PSMG2: variants seen among roughly 807,000 people sequenced by gnomAD.
PSMG2 encodes CD40 ligand-activated specific transcript 3.
A neutral mutation model predicts 31.5 loss-of-function variants in PSMG2; 21 were observed. That is an observed-to-expected ratio of 0.67 (90% confidence interval 0.47 to 0.96). The LOEUF is 0.96. Ranked by LOEUF, PSMG2 falls within the 40% of genes least tolerant of loss-of-function variation. PSMG2 has a pLI of 0.00. For missense variants in PSMG2, 318 were observed against 321.2 expected (o/e 0.99, Z 0.08); for synonymous variants, 120 against 110.4 (o/e 1.09, Z -0.54).
intron 3 of PSMG2, among the ~76,000 whole-genome samples, chr18:12,714,668 AT>A (rs1446129600): frequency 2.7e-5 from 4 of 148,952 alleles, no homozygotes; most frequent in Non-Finnish European, 6.0e-5. Flanking sequence ...TAATTTTTGT[AT>A]TTTTTTGTAG....
chr18:12,669,138 A>G (rs1470959531), intron 1 of PSMG2, among the ~76,000 whole-genome samples: 1 of 139,520 alleles, frequency 7.2e-6, no homozygotes, highest in African/African-American at 2.7e-5. Context: ...TTTTTGAGAC[A>G]GAGTTTCACT....
upstream of PSMG2, chr18:12,698,793 AAT>A: frequency 1.7e-6 from 1 of 580,228 alleles, no homozygotes; most frequent in Non-Finnish European, 3.1e-6. Context: ...ATCCAGGGAA[AAT>A]GAATAGCAAA....
intron 2 of PSMG2, among the ~76,000 whole-genome samples, chr18:12,710,911 G>T (rs949743002): frequency 1.3e-5 from 2 of 152,054 alleles, no homozygotes; most frequent in African/African-American, 4.8e-5. Context: ...ACCAGCCTGG[G>T]TAACATGATG....
chr18:12,671,842 A>ATGGAGTATTGCTCTGTTGCCCACGC (rs2144969833), intron 1 of PSMG2, among the ~76,000 whole-genome samples: 1 of 151,848 alleles, frequency 6.6e-6, no homozygotes, highest in Admixed American at 6.6e-5. Context: ...TTTTTTTGAG[A>ATGGAGTATTGCTCTGTTGCCCACGC]TGGAGTATTG....
intron 1 of PSMG2, chr18:12,686,496 C>T (rs1385246665): frequency 1.5e-6 from 2 of 1,362,284 alleles, no homozygotes; most frequent in Admixed American, 2.1e-5. Context: ...TTAATCATCC[C>T]CAATTATGTT....
chr18:12,701,448 G>A (rs1387163001), upstream of PSMG2, among the ~76,000 whole-genome samples: 2 of 152,146 alleles, frequency 1.3e-5, no homozygotes, highest in African/African-American at 4.8e-5. Flanking sequence ...TCTGCCTAAT[G>A]ATAAGGGAAT....
intron 5 of PSMG2, among the ~76,000 whole-genome samples, chr18:12,721,976 C>T (rs910267818): frequency 1.2e-4 from 18 of 151,974 alleles, no homozygotes; most frequent in Non-Finnish European, 8.8e-5. Context: ...GTTTTTGTTC[C>T]GTGTTCCTCT....
chr18:12,675,421 TAAA>T (rs1386989474), intron 1 of PSMG2, among the ~76,000 whole-genome samples: 1 of 151,618 alleles, frequency 6.6e-6, no homozygotes, highest in Non-Finnish European at 1.5e-5. Flanking sequence ...ATAAAATAAA[TAAA>T]AAAGAGTTTA....
At chr18:12,669,012 G>C (rs1053425160) in intron 1 of PSMG2, among the ~76,000 whole-genome samples, 1 of 138,714 alleles carries the variant, frequency 7.2e-6, no homozygotes, top group African/African-American at 2.7e-5. Context: ...TTACAGGCTT[G>C]AGCTACCGCA....
chr18:12,687,782 T>G (rs2039596095), intron 1 of PSMG2, among the ~76,000 whole-genome samples: 1 of 151,928 alleles, frequency 6.6e-6, no homozygotes, highest in Admixed American at 6.6e-5. Flanking sequence ...AAACAGAGGA[T>G]TATTATTCTA....
chr18:12,695,486 C>G (rs2039920927), intron 1 of PSMG2: 2 of 452,850 alleles, frequency 4.4e-6, no homozygotes, highest in South Asian at 8.9e-5. Context: ...TCAACATTAC[C>G]TTTAATATTC....
At chr18:12,683,988 T>TATATATATGATATATATC (rs1200276157) in intron 1 of PSMG2, among the ~76,000 whole-genome samples, 2 of 150,250 alleles carry the variant, frequency 1.3e-5, no homozygotes, top group Non-Finnish European at 3.0e-5. Context: ...AAAATCTAAA[T>TATATATATGATATATATC]ATATATATGA....
At position 12,677,117 on chromosome 18, in the gene PSMG2, T is replaced by G. The variant is rs146113752; in HGVS notation, c.-37+18344T>G. ...TATGACTAATACTTTTTATGTCTTCTTAAAAGCACTTTACAAAGGAAATCT... is the reference window on the plus strand; with the variant it reads ...TATGACTAATACTTTTTATGTCTTCGTAAAAGCACTTTACAAAGGAAATCT... On this transcript the variant is annotated intron_variant, in intron 1 of 6. Coordinates refer to the PSMG2 transcript ENST00000585331. 9.9e-5 allele frequency among the ~76,000 whole-genome samples: 15 copies of G among 152,282 alleles called. No individual in the cohort carries two copies. In the East Asian group the frequency reaches 2.9e-3, roughly 29 times the overall value.
intron 1 of PSMG2, among the ~76,000 whole-genome samples, chr18:12,706,267 A>ACC (rs2040267630): frequency 6.6e-6 from 1 of 152,132 alleles, no homozygotes; most frequent in Admixed American, 6.6e-5. Flanking sequence ...TCGGTGGATC[A>ACC]CCTGAGGTCA....
chr18:12,669,722 G>A (rs902283662), intron 1 of PSMG2, among the ~76,000 whole-genome samples: 3 of 151,990 alleles, frequency 2.0e-5, no homozygotes, highest in Non-Finnish European at 2.9e-5. Flanking sequence ...AAAAATTGGC[G>A]AGGCATGGTG....
rs373478831 is a variant in PSMG2 at position 12,706,726 on chromosome 18, G to A, written c.229+5G>A. 5.5e-5 allele frequency: 87 copies of A among 1,592,074 alleles called. No individual in the cohort carries two copies. In the African/African-American group the frequency reaches 9.8e-4, roughly 18 times the overall value. ...AACTTAGCATAAATGCTGAAGGTAT[G>A]TAAGACTTTACCTTGTATTTTTCCA... is the stretch of plus-strand genomic sequence containing the variant. On this transcript the variant is annotated splice_donor_5th_base_variant and intron_variant, in intron 2 of 6. Transcript: ENST00000317615.
chr18:12,707,434 C>T (rs1003905148), intron 2 of PSMG2, among the ~76,000 whole-genome samples: 10 of 152,092 alleles, frequency 6.6e-5, no homozygotes, highest in African/African-American at 2.2e-4. Flanking sequence ...ATATATGTTA[C>T]GTCAACTAAG....
chr18:12,666,760 A>C (rs2038813102), intron 1 of PSMG2, among the ~76,000 whole-genome samples: 3 of 152,078 alleles, frequency 2.0e-5, no homozygotes, highest in Admixed American at 2.0e-4. Flanking sequence ...AAAAAAAAAA[A>C]ACTTTTGAAT....
chr18:12,673,973 TC>T (rs2039027366), intron 1 of PSMG2, among the ~76,000 whole-genome samples: 1 of 152,148 alleles, frequency 6.6e-6, no homozygotes, highest in Non-Finnish European at 1.5e-5. Context: ...ATAGACTATT[TC>T]CTTATAGTCC....
Sources: allele counts gnomAD v4.1 joint callset (sites outside exome capture counted in the v4.1 genomes callset), GRCh38; gene constraint gnomAD v4.1.1; transcripts MANE v1.5; gene names NCBI Gene and HGNC (gene_info 2026-07-23, HGNC 2026-07-21).